WNT5B: variants seen among roughly 807,000 people sequenced by gnomAD.
The protein encoded by WNT5B is Wnt family member 5B.
WNT5B carries 18 observed loss-of-function variants against 36.5 expected under a neutral mutation model. The observed-to-expected ratio is 0.49, with a 90% CI of 0.34 to 0.73. The LOEUF (loss-of-function observed/expected upper bound fraction) is 0.73. WNT5B is among the 30% of genes least tolerant of loss of function. The pLI is 0.01. For missense variants in WNT5B, 424 were observed against 508.4 expected (o/e 0.83, Z 1.60); for synonymous variants, 213 against 212.3 (o/e 1.00, Z -0.03).
rs117656917 is a variant in WNT5B at position 1,641,902 on chromosome 12, T to C, written c.621+1926T>C. ...AGTGTCTTTTGTCTGAATGGGGATG[T>C]TGTAGTATTGGCCGGATGGAATGTG... On this transcript the variant is annotated intron_variant, in intron 4 of 4. Coordinates refer to ENST00000397196, the MANE Select transcript of WNT5B (RefSeq NM_032642.3). 9.9e-3 allele frequency among the ~76,000 whole-genome samples: 1,513 copies of C among 152,332 alleles called. 19 individuals carry two copies. The highest frequency in any genetic ancestry group is 0.044 in the Middle Eastern group (13 of 294).
Position 1,646,339 on chromosome 12 carries a change from T to C in WNT5B, c.*87T>C. The C allele has an allele frequency of 1.8e-6, 2 of 1,115,098 alleles. No homozygotes were observed. The highest frequency in any genetic ancestry group is 2.4e-6 in the Non-Finnish European group (2 of 845,158). The allele number at this position is 1,115,098 out of a possible 1,614,324, so 69.1% of individuals were successfully genotyped here. ...TCTATATAAATCTATTTTATATTTG[T>C]ATAAGTAAATGGGTGGGTGCTATAC... is the stretch of plus-strand genomic sequence containing the variant. On this transcript the variant is annotated 3_prime_UTR_variant, in exon 5 of 5. Transcript: ENST00000397196.
At chr12:1,635,964 A>ATCTG (rs1448085574) in intron 3 of WNT5B, among the ~76,000 whole-genome samples, 1 of 152,150 alleles carries the variant, frequency 6.6e-6, no homozygotes, top group Non-Finnish European at 1.5e-5. Flanking sequence ...TGCCCAGATA[A>ATCTG]TCAAGAAGTA....
intron 4 of WNT5B, among the ~76,000 whole-genome samples, chr12:1,643,485 C>T (rs1024839849): frequency 5.3e-5 from 8 of 152,108 alleles, no homozygotes; most frequent in African/African-American, 1.9e-4. Flanking sequence ...TCTGCCTCAG[C>T]CTCCCTAGTA....
At chr12:1,631,155 G>A (rs2154439555) in intron 1 of WNT5B, 143 bp from the exon 2 acceptor site, 2 of 647,906 alleles carry the variant, frequency 3.1e-6, no homozygotes, top group Non-Finnish European at 4.9e-6. Context: ...AGTGGGAGGC[G>A]GAGGCTGGAA....
chr12:1,646,445 T>C lies in WNT5B; in HGVS notation c.*193T>C. The C allele has an allele frequency of 7.6e-6, 3 of 396,690 alleles. No individual in the cohort carries two copies. Among genetic ancestry groups the C allele is most frequent in the East Asian group, 4.9e-5 (1 of 20,504 alleles). 24.6% of individuals were successfully genotyped at this position (396,690 alleles called of 1,614,324 possible). A position where few individuals can be genotyped will look rare whatever the true frequency, so the allele number is the denominator to read the frequency against. ...TGAGGAGTGGACTTTGCTGGTTCTC[T>C]CCTCTTGGTGGGTGGGAGACAGGGC... On this transcript the variant is annotated 3_prime_UTR_variant, in exon 5 of 5. Coordinates refer to ENST00000397196, the MANE Select transcript of WNT5B (RefSeq NM_032642.3).
At position 1,634,736 on chromosome 12, in the gene WNT5B, G is replaced by A. The variant is rs548128002; in HGVS notation, c.328+1831G>A. Among the ~76,000 whole-genome samples the A allele has an allele frequency of 5.2e-4, 79 of 152,154 alleles. 1 individual carries two copies. Among genetic ancestry groups the A allele is most frequent in the African/African-American group, 1.9e-3 (78 of 41,470 alleles). On this transcript the variant is annotated intron_variant, in intron 3 of 4. Transcript: ENST00000397196. ...CCCTCTCCCTATCTTGAGAAGGACCGTCTAAGGCTTCCTTTCTCCTTTGAA... is the reference window on the plus strand; with the variant it reads ...CCCTCTCCCTATCTTGAGAAGGACCATCTAAGGCTTCCTTTCTCCTTTGAA...
intron 1 of WNT5B, among the ~76,000 whole-genome samples, chr12:1,617,498 C>A (rs1413886236): frequency 2.0e-5 from 3 of 151,846 alleles, no homozygotes; most frequent in Non-Finnish European, 4.4e-5. Flanking sequence ...GGCATTGTGG[C>A]ATGTGCCTGT....
chr12:1,630,990 C>A lies in WNT5B; in HGVS notation c.-57-308C>A, dbSNP rs2094549603. 5.7e-6 allele frequency: 1 copy of A among 176,548 alleles called. No homozygotes were observed. The highest frequency in any genetic ancestry group is 5.7e-5 in the Admixed American group (1 of 17,442). The allele number at this position is 176,548 out of a possible 1,614,324, so 10.9% of individuals were successfully genotyped here. A position where few individuals can be genotyped will look rare whatever the true frequency, so the allele number is the denominator to read the frequency against. ...ACAGCCGAAGTGGCCTCCCGGCTGC[C>A]GAACGGAGGAACGCCGCAAGCTCCG... On this transcript the variant is annotated intron_variant, in intron 1 of 4. Coordinates refer to ENST00000397196, the MANE Select transcript of WNT5B (RefSeq NM_032642.3). The surrounding 1 kb of genome is among the most constrained non-coding windows in gnomAD (Gnocchi z 5.3).
At position 1,644,042 on chromosome 12, in the gene WNT5B, C is replaced by T. The variant is rs2094580821; in HGVS notation, c.622-1752C>T. Among the ~76,000 whole-genome samples, 1 of 152,140 alleles carries T rather than the reference C, an allele frequency of 6.6e-6. No homozygotes were observed. Among genetic ancestry groups the T allele is most frequent in the South Asian group, 2.1e-4 (1 of 4,832 alleles). On this transcript the variant is annotated intron_variant, in intron 4 of 4. Coordinates refer to ENST00000397196, the MANE Select transcript of WNT5B (RefSeq NM_032642.3). The surrounding 1 kb of genome is among the most constrained non-coding windows in gnomAD (Gnocchi z 5.1). ...CCCCTGCAAGAGATGCTTATCCGTG[C>T]TCCGAGTTGCTAAGTGGCAAAGTGC...
rs116351418 is a variant in WNT5B at position 1,638,533 on chromosome 12, G to C, written c.329-1151G>C. On this transcript the variant is annotated intron_variant, in intron 3 of 4. Coordinates refer to ENST00000397196, the MANE Select transcript of WNT5B (RefSeq NM_032642.3). The stretch of plus-strand genomic sequence containing the variant: ...TTTTGATGATAGCCATCCCAGTGGA[G>C]GTGATTTGGGCTTGCATGTCCCTGA... Among the ~76,000 whole-genome samples, 918 of 152,280 alleles carry C rather than the reference G, an allele frequency of 6.0e-3. 9 individuals carry two copies. Among genetic ancestry groups the C allele is most frequent in the African/African-American group, 0.02 (814 of 41,554 alleles).
chr12:1,617,308 A>G (rs1334656591), intron 1 of WNT5B, among the ~76,000 whole-genome samples: 1 of 54,756 alleles, frequency 1.8e-5, no homozygotes, highest in South Asian at 4.5e-4. Flanking sequence ...TATGTAATAT[A>G]TAAAATATAT....
chr12:1,627,289 G>T (rs1400337059), upstream of WNT5B, among the ~76,000 whole-genome samples: 1 of 152,210 alleles, frequency 6.6e-6, no homozygotes, highest in African/African-American at 2.4e-5. The surrounding 1 kb of genome is among the most constrained non-coding windows in gnomAD (Gnocchi z 5.0). Context: ...ATGTGACGGT[G>T]CCTGTCTGAG....
In WNT5B at chr12:1,633,063, G is replaced by A. The variant is rs936261140; in HGVS notation, c.328+158G>A. Among the ~76,000 whole-genome samples the A allele has an allele frequency of 6.6e-6, 1 of 152,206 alleles. No individual in the cohort carries two copies. The highest frequency in any genetic ancestry group is 1.5e-5 in the Non-Finnish European group (1 of 68,028). On this transcript the variant is annotated intron_variant, in intron 3 of 4. Coordinates refer to ENST00000397196, the MANE Select transcript of WNT5B (RefSeq NM_032642.3). This position sits in a 1 kb window ranked among gnomAD's most constrained non-coding sequence, Gnocchi z 4.8. The stretch of plus-strand genomic sequence containing the variant: ...AGTGTGCACCACGAGAGAGGCACAC[G>A]AGGAAGCAGGCTCTGGGAGGCTGCA...
At chr12:1,635,075 A>G (rs2094558168) in intron 3 of WNT5B, among the ~76,000 whole-genome samples, 1 of 152,238 alleles carries the variant, frequency 6.6e-6, no homozygotes, top group Non-Finnish European at 1.5e-5. Flanking sequence ...AGGTAGCAAC[A>G]GTAGATGGTA....
rs913633233 is a variant in WNT5B, at chr12:1,630,186, G to A, written c.-58+815G>A. The stretch of plus-strand genomic sequence containing the variant: ...AGCCTGGGGACGCCGACGCGCGAGA[G>A]TGGCGCAGTGAGCCGGGGCGCGCGG... On this transcript the variant is annotated intron_variant, in intron 1 of 4. Coordinates refer to ENST00000397196, the MANE Select transcript of WNT5B (RefSeq NM_032642.3). The surrounding 1 kb of genome is among the most constrained non-coding windows in gnomAD (Gnocchi z 5.3). The A allele has an allele frequency of 1.2e-5, 12 of 985,242 alleles. No individual in the cohort carries two copies. The highest frequency in any genetic ancestry group is 3.5e-5 in the African/African-American group (2 of 57,224). The allele number at this position is 985,242 out of a possible 1,614,324, so 61.0% of individuals were successfully genotyped here. A position where few individuals can be genotyped will look rare whatever the true frequency, so the allele number is the denominator to read the frequency against.
Position 1,645,932 on chromosome 12 carries a change from G to A in WNT5B, c.760G>A (p.Ala254Thr), listed in dbSNP as rs774388139. 13 of 1,609,982 alleles carry A rather than the reference G, an allele frequency of 8.1e-6. No homozygotes were observed. Among genetic ancestry groups the A allele is most frequent in the Admixed American group, 5.0e-5 (3 of 59,992 alleles). ...GAAGGAGAAGTACGACAGCGCGGCC[G>A]CCATGCGCGTCACCCGCAAGGGCCG... is the stretch of plus-strand genomic sequence containing the variant. ...RLKEKYDSAAAMRVTRKGRLE... is the reference protein window; with the variant it reads ...RLKEKYDSAATMRVTRKGRLE... The change falls in exon 5 of 5, where the codon GCC becomes ACC. Residue 254 changes from alanine (A) to threonine (T), a missense_variant. Transcript: ENST00000397196.
upstream of WNT5B, among the ~76,000 whole-genome samples, chr12:1,628,799 C>T (rs2094544644): frequency 6.6e-6 from 1 of 152,260 alleles, no homozygotes; most frequent in South Asian, 2.1e-4. Flanking sequence ...CCAGCCCACC[C>T]CAGCACAAGA....
intron 3 of WNT5B, among the ~76,000 whole-genome samples, chr12:1,635,000 G>A (rs1271782188): frequency 5.9e-5 from 9 of 152,290 alleles, no homozygotes; most frequent in South Asian, 4.1e-4. Context: ...GAACTGTTGC[G>A]TATATAGATA....
upstream of WNT5B, among the ~76,000 whole-genome samples, chr12:1,624,316 C>T (rs1220855566): frequency 3.1e-5 from 4 of 129,856 alleles, no homozygotes; most frequent in East Asian, 5.0e-4. Context: ...AATCGGGAGG[C>T]GGAGGTTGCA....
Sources: gnomAD v4.1 joint callset for allele counts (sites outside exome capture counted in the v4.1 genomes callset) on GRCh38, gnomAD v4.1.1 for gene constraint, Gnocchi (gnomAD v3.1) non-coding constraint, MANE v1.5 for transcripts, NCBI Gene and HGNC (gene_info 2026-07-23, HGNC 2026-07-21) for gene names.